The following ZFHX3 variants were observed in gnomAD, a reference collection of about 807,000 sequenced individuals.
ZFHX3 encodes the protein zinc finger homeobox 3.
ZFHX3 carries 42 observed loss-of-function variants against 279.1 expected under a neutral mutation model. The observed-to-expected ratio is 0.15, with a 90% CI of 0.12 to 0.19. ZFHX3 has a LOEUF of 0.19. Among genes scored for constraint, ZFHX3 ranks in the 10% least tolerant of loss-of-function variants. The pLI is 1.00. For missense variants in ZFHX3, 4,981 were observed against 4,754.0 expected (o/e 1.05, Z -1.40); for synonymous variants, 2,293 against 1,957.8 (o/e 1.17, Z -4.52).
chr16:73,005,074 G>C (rs1963656101), intron 1 of ZFHX3, among the ~76,000 whole-genome samples: 1 of 152,224 alleles, frequency 6.6e-6, no homozygotes, highest in Non-Finnish European at 1.5e-5. Context: ...CAGTGTCCAA[G>C]TCTGGCTGAC....
intron 2 of ZFHX3, among the ~76,000 whole-genome samples, chr16:73,606,034 T>C (rs1179715583): frequency 1.3e-5 from 2 of 150,934 alleles, no homozygotes; most frequent in African/African-American, 4.9e-5. Context: ...ATACAAAAAA[T>C]TACCCCGGCG....
chr16:73,136,581 C>G (rs1055187639), intron 6 of ZFHX3, among the ~76,000 whole-genome samples: 16 of 151,586 alleles, frequency 1.1e-4, no homozygotes, highest in Admixed American at 2.6e-4. Flanking sequence ...AAAAATTAGT[C>G]AGGCATGGTG....
intron 8 of ZFHX3, among the ~76,000 whole-genome samples, chr16:73,082,950 G>A (rs900355135): frequency 4.6e-5 from 7 of 151,506 alleles, no homozygotes; most frequent in African/African-American, 9.8e-5. Context: ...TTGGGAGGCC[G>A]AGGTGGACGG....
At chr16:73,602,049 T>C (rs988569519) in intron 2 of ZFHX3, among the ~76,000 whole-genome samples, 1 of 152,096 alleles carries the variant, frequency 6.6e-6, no homozygotes, top group Non-Finnish European at 1.5e-5. Flanking sequence ...GGACGATTGC[T>C]TGAACCTGAG....
exon 7 of ZFHX3, chr16:73,130,972 A>G (rs369045554): frequency 1.5e-6 from 2 of 1,305,032 alleles, no homozygotes; most frequent in African/African-American, 3.0e-5. Flanking sequence ...ACCAACCTCT[A>G]TGCAACTGCC....
At chr16:73,486,277 T>G (rs2018972183) in intron 2 of ZFHX3, among the ~76,000 whole-genome samples, 1 of 152,246 alleles carries the variant, frequency 6.6e-6, no homozygotes, top group African/African-American at 2.4e-5. Flanking sequence ...ACATAGGACA[T>G]ACACCAAGTA....
At chr16:73,640,405 G>A (rs563836751) in intron 2 of ZFHX3, among the ~76,000 whole-genome samples, 2 of 87,020 alleles carry the variant, frequency 2.3e-5, no homozygotes, top group Non-Finnish European at 4.4e-5. Flanking sequence ...TGAATCACAG[G>A]GACAGAAATA....
intron 3 of ZFHX3, among the ~76,000 whole-genome samples, chr16:73,396,168 C>A (rs57879611): frequency 6.6e-6 from 1 of 152,168 alleles, no homozygotes; most frequent in African/African-American, 2.4e-5. Flanking sequence ...GTTAGCCTCC[C>A]GGCGGGCATC....
intron 7 of ZFHX3, among the ~76,000 whole-genome samples, chr16:73,113,793 C>T (rs370708566): frequency 6.8e-5 from 7 of 103,008 alleles, no homozygotes; most frequent in South Asian, 7.5e-4. Context: ...TTTTTGGAAA[C>T]TTTTTTTTTT....
chr16:73,594,583 T>G (rs554196369), intron 2 of ZFHX3, among the ~76,000 whole-genome samples: 213 of 152,220 alleles, frequency 1.4e-3, no homozygotes, highest in African/African-American at 4.7e-3. Flanking sequence ...AGAAGATAAC[T>G]TGGCCAATGA....
chr16:73,882,335 T>G (rs2030195405), intron 1 of ZFHX3, among the ~76,000 whole-genome samples: 3 of 152,068 alleles, frequency 2.0e-5, no homozygotes, highest in Admixed American at 6.6e-5. Context: ...AAATGCAGCA[T>G]TTTTGCTGTC....
chr16:73,275,918 C>T (rs866528570), intron 4 of ZFHX3, among the ~76,000 whole-genome samples: 100 of 152,148 alleles, frequency 6.6e-4, no homozygotes, highest in African/African-American at 2.3e-3. Context: ...GACTTTTGAG[C>T]TTTATTCTAT....
At chr16:73,596,603 T>C (rs987684737) in intron 2 of ZFHX3, among the ~76,000 whole-genome samples, 2 of 152,202 alleles carry the variant, frequency 1.3e-5, no homozygotes, top group Non-Finnish European at 2.9e-5. Context: ...CTTCACCACC[T>C]GTGCTCCCAT....
intron 2 of ZFHX3, among the ~76,000 whole-genome samples, chr16:73,563,123 G>T (rs1395784382): frequency 1.3e-5 from 2 of 151,970 alleles, no homozygotes; most frequent in East Asian, 3.9e-4. Flanking sequence ...GCTAAAGGAG[G>T]TGGGCAGCCT....
chr16:73,578,958 G>A (rs532585124), intron 2 of ZFHX3, among the ~76,000 whole-genome samples: 1 of 152,284 alleles, frequency 6.6e-6, no homozygotes, highest in African/African-American at 2.4e-5. Context: ...AGTTCAGGCT[G>A]TGATGAGAAG....
In ZFHX3 at chr16:73,153,319, AC is replaced by A. The variant is rs531598615; in HGVS notation, c.-1103-9489del. ...GTTTTTAGAGACAAGGTGTCTCCCTACGTTGCCTAGGCTGATCTCAAACTCC... is the reference window on the plus strand; with the variant it reads ...GTTTTTAGAGACAAGGTGTCTCCCTAGTTGCCTAGGCTGATCTCAAACTCC... On this transcript the variant is annotated intron_variant, in intron 5 of 17. Coordinates refer to the ZFHX3 transcript ENST00000641206. Among the ~76,000 whole-genome samples, 169 of 152,318 alleles carry A rather than the reference AC, an allele frequency of 1.1e-3. 1 individual carries two copies. The highest frequency in any genetic ancestry group is 3.8e-3 in the African/African-American group (159 of 41,588).
At chr16:73,501,479 T>G (rs559859691) in intron 2 of ZFHX3, among the ~76,000 whole-genome samples, 2 of 152,224 alleles carry the variant, frequency 1.3e-5, no homozygotes, top group Non-Finnish European at 2.9e-5. Context: ...TTTTAACCAG[T>G]AGCCTCCCTC....
chr16:73,406,253 G>A (rs34046694), intron 3 of ZFHX3, among the ~76,000 whole-genome samples: 12,139 of 152,254 alleles, frequency 0.08, 525 homozygotes, highest in East Asian at 0.11. Flanking sequence ...GGTTGTGGAC[G>A]TAGAACTTAT....
intron 2 of ZFHX3, among the ~76,000 whole-genome samples, chr16:73,665,332 G>T (rs527778044): frequency 6.6e-6 from 1 of 151,610 alleles, no homozygotes; most frequent in East Asian, 2.0e-4. Flanking sequence ...TCCTGCCTCA[G>T]CCTCCCGAGT....
Sources: allele counts gnomAD v4.1 joint callset (sites outside exome capture counted in the v4.1 genomes callset), GRCh38; gene constraint gnomAD v4.1.1; transcripts MANE v1.5; gene names NCBI Gene and HGNC (gene_info 2026-07-23, HGNC 2026-07-21).